The following RNF130 variants were observed in gnomAD, a reference collection of about 807,000 sequenced individuals.
RNF130 encodes the protein E3 ubiquitin-protein ligase RNF130.
Under a neutral mutation model 44.6 loss-of-function variants are expected in RNF130, and 21 were observed. The observed-to-expected ratio is 0.47, with a 90% CI of 0.33 to 0.68. The LOEUF is 0.68. Ranked by LOEUF, RNF130 falls within the 30% of genes least tolerant of loss-of-function variation. The pLI is 0.02. For missense variants in RNF130, 479 were observed against 560.6 expected, an observed-to-expected ratio of 0.85 and a Z score of 1.47; for synonymous variants, 214 against 210.4, an observed-to-expected ratio of 1.02 and a Z score of -0.15.
intron 3 of RNF130, among the ~76,000 whole-genome samples, chr5:179,994,086 T>A (rs1343442245): frequency 6.6e-6 from 1 of 152,206 alleles, no homozygotes; most frequent in African/African-American, 2.4e-5. Flanking sequence ...TTGGTCTATA[T>A]CTCTGTTTTG....
intron 1 of RNF130, among the ~76,000 whole-genome samples, chr5:180,046,104 G>A (rs990195676): frequency 1.3e-5 from 2 of 152,196 alleles, no homozygotes; most frequent in Non-Finnish European, 2.9e-5. Flanking sequence ...GGCCCCACGA[G>A]AATCTGTGCG....
intron 1 of RNF130, among the ~76,000 whole-genome samples, chr5:180,062,156 G>T (rs867179978): frequency 6.6e-5 from 10 of 151,172 alleles, no homozygotes; most frequent in African/African-American, 9.7e-5. Flanking sequence ...CCAGGTTCAA[G>T]CAATTCTCCT....
chr5:179,946,121 C>T (rs1417223832), intron 7 of RNF130, among the ~76,000 whole-genome samples: 7 of 152,218 alleles, frequency 4.6e-5, no homozygotes, highest in African/African-American at 1.7e-4. Flanking sequence ...TATTTATAAG[C>T]CCCAAGCTCC....
At position 180,015,445 on chromosome 5, in the gene RNF130, AAAAGGAGTAGGG is replaced by A. The variant is rs376575870; in HGVS notation, c.443-2146_443-2135del. The A allele has an allele frequency of 3.7e-3, 1,674 of 450,072 alleles. 32 individuals carry two copies. Among genetic ancestry groups the A allele is most frequent in the African/African-American group, 0.025 (1,027 of 41,400 alleles). 27.9% of individuals were successfully genotyped at this position (450,072 alleles called of 1,614,324 possible). A position where few individuals can be genotyped will look rare whatever the true frequency, so the allele number is the denominator to read the frequency against. On this transcript the variant is annotated intron_variant, in intron 2 of 8. Coordinates refer to ENST00000521389, the MANE Select transcript of RNF130 (RefSeq NM_018434.6). The stretch of plus-strand genomic sequence containing the variant: ...GCTCCCTCTTGAAGACTCAAGCTGG[AAAAGGAGTAGGG>A]AAAGGAGTAGGGAAAGGAGTAGGGA...
At position 179,936,185 on chromosome 5, in the gene RNF130, G is replaced by A. The variant is rs836255; in HGVS notation, c.1151-15759C>T. 1.1e-3 allele frequency among the ~76,000 whole-genome samples: 169 copies of A among 152,244 alleles called. 3 individuals are homozygous for A. The East Asian group carries it at 0.027, about 24-fold the overall frequency. The stretch of plus-strand genomic sequence containing the variant: ...CACCCAGGCTGGAGTGCAGAGGCAC[G>A]ATCATGGCTCACCACAGCCTTGACC... On this transcript the variant is annotated intron_variant, in intron 7 of 7. Transcript: ENST00000522208.
In RNF130 at chr5:180,033,822, C is replaced by T. The variant is rs377356648; in HGVS notation, c.442+6631G>A. On this transcript the variant is annotated intron_variant, in intron 2 of 8. Transcript: ENST00000521389. ...TTAATAAATTCTATCTGATTTTCTACATACACAACCTATGAATAATGAATT... is the reference window on the plus strand; with the variant it reads ...TTAATAAATTCTATCTGATTTTCTATATACACAACCTATGAATAATGAATT... 5.9e-5 allele frequency among the ~76,000 whole-genome samples: 9 copies of T among 152,322 alleles called. No homozygotes were observed. In the East Asian group the frequency reaches 1.5e-3, roughly 26 times the overall value.
intron 1 of RNF130, among the ~76,000 whole-genome samples, chr5:180,060,323 T>A (rs564742972): frequency 2.0e-5 from 3 of 152,368 alleles, no homozygotes; most frequent in Admixed American, 2.0e-4. Context: ...CATGAAAGAT[T>A]CACTTCTTTT....
intron 7 of RNF130, among the ~76,000 whole-genome samples, chr5:179,948,717 T>C (rs1008720473): frequency 6.6e-6 from 1 of 152,082 alleles, no homozygotes. Flanking sequence ...GATAAGGAAC[T>C]TGGCATAACT....
At chr5:179,928,505 T>G (rs1397983478) in intron 7 of RNF130, among the ~76,000 whole-genome samples, 1 of 152,216 alleles carries the variant, frequency 6.6e-6, no homozygotes, top group East Asian at 1.9e-4. Flanking sequence ...AAATGTCTCT[T>G]TGTTTCTTTT....
At chr5:179,970,950 T>C (rs1762568492) in intron 5 of RNF130, among the ~76,000 whole-genome samples, 1 of 152,234 alleles carries the variant, frequency 6.6e-6, no homozygotes, top group South Asian at 2.1e-4. Context: ...GAATGTCATT[T>C]AAAACATCAT....
intron 3 of RNF130, among the ~76,000 whole-genome samples, chr5:179,995,165 C>T (rs1763174634): frequency 1.3e-5 from 2 of 152,120 alleles, no homozygotes. Context: ...CAAGGGCAAA[C>T]CCATTGTTAA....
chr5:180,015,425 C>G, intron 2 of RNF130: 1 of 495,322 alleles, frequency 2.0e-6, no homozygotes. Flanking sequence ...TTGAGGCTCC[C>G]TCTTGAAGAC....
At chr5:180,062,167 G>A (rs1422218371) in intron 1 of RNF130, among the ~76,000 whole-genome samples, 5 of 151,278 alleles carry the variant, frequency 3.3e-5, no homozygotes, top group South Asian at 4.2e-4. Flanking sequence ...CAATTCTCCT[G>A]CCTCAGCCTC....
At chr5:179,968,969 A>C (rs528705360) in intron 6 of RNF130, among the ~76,000 whole-genome samples, 10 of 152,222 alleles carry the variant, frequency 6.6e-5, no homozygotes, top group Non-Finnish European at 1.3e-4. Context: ...CTGGAGACAA[A>C]GGACAAATGG....
chr5:179,959,295 T>A (rs1762275071), intron 8 of RNF130, among the ~76,000 whole-genome samples: 1 of 152,146 alleles, frequency 6.6e-6, no homozygotes, highest in Non-Finnish European at 1.5e-5. Context: ...AATAATTAAA[T>A]TTTCAGACCC....
In RNF130 at chr5:180,036,934, G is replaced by A. The variant is rs1025897467; in HGVS notation, c.442+3519C>T. 2.2e-4 allele frequency among the ~76,000 whole-genome samples: 33 copies of A among 152,040 alleles called. 1 individual carries two copies. Among genetic ancestry groups the A allele is most frequent in the African/African-American group, 7.7e-4 (32 of 41,466 alleles). On this transcript the variant is annotated intron_variant, in intron 2 of 8. Coordinates refer to ENST00000521389, the MANE Select transcript of RNF130 (RefSeq NM_018434.6). Reference sequence around the variant, plus strand: ...AGAGACAACCATTACCCTAAATTTTGTATTTCTTAATCTTATGTATGTTTT... The same window carrying A: ...AGAGACAACCATTACCCTAAATTTTATATTTCTTAATCTTATGTATGTTTT...
At chr5:179,986,237 T>A (rs1762949142) in intron 3 of RNF130, among the ~76,000 whole-genome samples, 1 of 152,172 alleles carries the variant, frequency 6.6e-6, no homozygotes, top group African/African-American at 2.4e-5. Context: ...ATGAATAGAT[T>A]TTTCTGTCCT....
At chr5:180,052,186 A>G (rs963450265) in intron 1 of RNF130, among the ~76,000 whole-genome samples, 1 of 152,074 alleles carries the variant, frequency 6.6e-6, no homozygotes, top group Non-Finnish European at 1.5e-5. Flanking sequence ...CCTGCCTTCG[A>G]CTACCACCTG....
intron 2 of RNF130, among the ~76,000 whole-genome samples, chr5:180,039,640 G>C (rs1764358930): frequency 6.6e-6 from 1 of 152,218 alleles, no homozygotes; most frequent in Non-Finnish European, 1.5e-5. Flanking sequence ...GCAAGTCTTT[G>C]CAAGAAACTT....
Sources: allele counts gnomAD v4.1 joint callset (sites outside exome capture counted in the v4.1 genomes callset), GRCh38; gene constraint gnomAD v4.1.1; transcripts MANE v1.5; gene names NCBI Gene and HGNC (gene_info 2026-07-23, HGNC 2026-07-21).